AGBL1: variants seen among roughly 807,000 people sequenced by gnomAD.
AGBL1 encodes the protein AGBL carboxypeptidase 1, also known as cytosolic carboxypeptidase 4.
A neutral mutation model predicts 118.9 loss-of-function variants in AGBL1; 130 were observed. The ratio of observed to expected loss-of-function variants is 1.09; its 90% CI spans 0.95 to 1.26. AGBL1 has a LOEUF of 1.26. Ranked by LOEUF, AGBL1 falls within the 50% of genes most tolerant of loss-of-function variation. The pLI is 0.00. For synonymous variants in AGBL1, 555 were observed against 478.9 expected (o/e 1.16, Z -2.08); for missense variants, 1,584 against 1,298.1 (o/e 1.22, Z -3.38).
At chr15:86,598,142 C>G (rs564329487) in intron 21 of AGBL1, among the ~76,000 whole-genome samples, 14 of 152,152 alleles carry the variant, frequency 9.2e-5, no homozygotes, top group Admixed American at 2.0e-4. Flanking sequence ...GCCATGGTTT[C>G]AGATATTCAC....
chr15:86,301,701 A>G (rs938249574), intron 17 of AGBL1, among the ~76,000 whole-genome samples: 4 of 144,372 alleles, frequency 2.8e-5, no homozygotes, highest in African/African-American at 1.0e-4. Flanking sequence ...TGTGATGTCA[A>G]ACGGGTCATT....
intron 18 of AGBL1, among the ~76,000 whole-genome samples, chr15:86,439,513 G>T (rs2082036902): frequency 2.0e-5 from 3 of 152,054 alleles, no homozygotes; most frequent in Admixed American, 1.3e-4. Context: ...ATTCTCCAAG[G>T]CTTAGTATTT....
chr15:86,925,966 G>C (rs1179517873), intron 23 of AGBL1, among the ~76,000 whole-genome samples: 2 of 152,054 alleles, frequency 1.3e-5, no homozygotes, highest in African/African-American at 4.8e-5. Context: ...TCCTGACCTT[G>C]TGATTCACCC....
At chr15:86,116,954 T>TTC (rs1287523461) in intron 1 of AGBL1, among the ~76,000 whole-genome samples, 1 of 144,394 alleles carries the variant, frequency 6.9e-6, no homozygotes, top group Admixed American at 6.7e-5. Flanking sequence ...TTCTTTTCTT[T>TTC]TTTTTTTTTT....
At chr15:86,950,456 A>G (rs2141669633) in intron 23 of AGBL1, among the ~76,000 whole-genome samples, 1 of 151,134 alleles carries the variant, frequency 6.6e-6, no homozygotes, top group South Asian at 2.1e-4. Flanking sequence ...TACATATACA[A>G]AAAGAAAATA....
intron 1 of AGBL1, among the ~76,000 whole-genome samples, chr15:86,140,629 C>A (rs1178824199): frequency 2.0e-4 from 31 of 152,054 alleles, no homozygotes; most frequent in Admixed American, 2.0e-3. Context: ...GGGCTGAGCC[C>A]AGAGTGATGT....
intron 6 of AGBL1, among the ~76,000 whole-genome samples, chr15:86,246,129 C>T (rs754597109): frequency 1.3e-5 from 2 of 152,210 alleles, no homozygotes; most frequent in Middle Eastern, 3.2e-3. Flanking sequence ...AAGCCGTCCT[C>T]CTGCCTCAGG....
rs62012444 is a variant in AGBL1, at chr15:86,143,851, C to A, written c.262+6C>A. 38,542 of 1,613,080 alleles carry A rather than the reference C, an allele frequency of 0.024. 542 individuals carry two copies. Among genetic ancestry groups the A allele is most frequent in the African/African-American group, 0.052 (3,933 of 75,030 alleles). On this transcript the variant is annotated splice_donor_region_variant and intron_variant, in intron 3 of 22. Transcript: ENST00000614907. ...GGCCAAAGTTGGCCTAAGAGGTACT[C>A]GTACTCCAAGACCTAAAGCTGACTG...
At chr15:86,474,042 G>T (rs186880989) in intron 18 of AGBL1, among the ~76,000 whole-genome samples, 1 of 152,160 alleles carries the variant, frequency 6.6e-6, no homozygotes, top group Non-Finnish European at 1.5e-5. Context: ...TATTTTTAAT[G>T]AGTAGATTTT....
chr15:86,298,491 C>T (rs146184011), intron 17 of AGBL1, among the ~76,000 whole-genome samples: 1 of 151,452 alleles, frequency 6.6e-6, no homozygotes, highest in East Asian at 1.9e-4. Context: ...ATAACCATGC[C>T]TGTAAATCAG....
At chr15:86,685,462 G>T (rs2086037426) in intron 22 of AGBL1, among the ~76,000 whole-genome samples, 1 of 152,118 alleles carries the variant, frequency 6.6e-6, no homozygotes, top group Non-Finnish European at 1.5e-5. Context: ...AGTTTATGAT[G>T]ACTTAGCATT....
chr15:87,011,815 T>C (rs774132311), intron 24 of AGBL1, among the ~76,000 whole-genome samples: 1 of 152,224 alleles, frequency 6.6e-6, no homozygotes, highest in Non-Finnish European at 1.5e-5. Context: ...TAATAAAAGT[T>C]GCACCCATTG....
At chr15:86,352,515 T>G (rs2080643674) in intron 17 of AGBL1, among the ~76,000 whole-genome samples, 1 of 151,968 alleles carries the variant, frequency 6.6e-6, no homozygotes. Flanking sequence ...CTTGGTCTGT[T>G]GTCCAAGCTG....
intron 5 of AGBL1, among the ~76,000 whole-genome samples, chr15:86,184,500 A>G (rs1383308787): frequency 6.6e-5 from 10 of 150,920 alleles, no homozygotes; most frequent in African/African-American, 1.7e-4. Context: ...CATTTCCTGA[A>G]TTTGAATGTT....
chr15:86,831,118 C>A (rs2079098413), intron 22 of AGBL1, among the ~76,000 whole-genome samples: 1 of 152,116 alleles, frequency 6.6e-6, no homozygotes, highest in Admixed American at 6.6e-5. Flanking sequence ...TTATTCACTA[C>A]CATGAGAACA....
At chr15:86,809,196 G>A (rs1188188267) in intron 22 of AGBL1, among the ~76,000 whole-genome samples, 1 of 152,138 alleles carries the variant, frequency 6.6e-6, no homozygotes, top group Non-Finnish European at 1.5e-5. Flanking sequence ...CTGAGGCACA[G>A]TGATTCATTC....
intron 22 of AGBL1, among the ~76,000 whole-genome samples, chr15:86,776,839 A>T (rs540893876): frequency 5.5e-4 from 83 of 151,468 alleles, no homozygotes; most frequent in African/African-American, 2.0e-3. Flanking sequence ...AGGTTTTTTT[A>T]AAAAATCAAC....
intron 18 of AGBL1, among the ~76,000 whole-genome samples, chr15:86,444,162 T>C (rs1274130914): frequency 6.6e-6 from 1 of 152,230 alleles, no homozygotes; most frequent in East Asian, 1.9e-4. Flanking sequence ...TGGGGTAAGA[T>C]GATATCTCAC....
chr15:86,718,243 A>G (rs1451192318), intron 22 of AGBL1, among the ~76,000 whole-genome samples: 1 of 152,034 alleles, frequency 6.6e-6, no homozygotes, highest in Non-Finnish European at 1.5e-5. Flanking sequence ...TTGTACAGAC[A>G]TGGATGAAGC....
Sources: gnomAD v4.1 joint callset for allele counts (sites outside exome capture counted in the v4.1 genomes callset) on GRCh38, gnomAD v4.1.1 for gene constraint, MANE v1.5 for transcripts, NCBI Gene and HGNC (gene_info 2026-07-23, HGNC 2026-07-21) for gene names.